The following UBXN7 variants were observed in gnomAD, a reference collection of about 807,000 sequenced individuals.
The protein encoded by UBXN7 is UBX domain protein 7.
A neutral mutation model predicts 58.0 loss-of-function variants in UBXN7; 9 were observed. That is an observed-to-expected ratio of 0.16 (90% confidence interval 0.09 to 0.27). The LOEUF (loss-of-function observed/expected upper bound fraction) is 0.27. UBXN7 is among the 10% of genes least tolerant of loss of function. The probability of loss-of-function intolerance (pLI) is 1.00; values close to 1 mark genes in which losing one functional copy is unlikely to be tolerated. For missense variants in UBXN7, 328 were observed against 599.6 expected (o/e 0.55, Z 4.73); for synonymous variants, 208 against 205.0 (o/e 1.01, Z -0.12).
At chr3:196,386,350 G>C (rs1403307596) in intron 5 of UBXN7, among the ~76,000 whole-genome samples, 17 of 113,654 alleles carry the variant, frequency 1.5e-4, no homozygotes, top group African/African-American at 5.5e-4. Context: ...CCCCCTCTCC[G>C]AGAAACACCC....
intron 10 of UBXN7, among the ~76,000 whole-genome samples, chr3:196,358,945 G>C (rs1010636486): frequency 4.0e-5 from 6 of 151,802 alleles, no homozygotes; most frequent in Non-Finnish European, 2.9e-5. Flanking sequence ...ACAGGAGTGA[G>C]CCACTGCACC....
At chr3:196,379,999 C>T (rs1729150762) in intron 5 of UBXN7, among the ~76,000 whole-genome samples, 1 of 152,148 alleles carries the variant, frequency 6.6e-6, no homozygotes, top group African/African-American at 2.4e-5. Context: ...CCTGTAATCC[C>T]AGCACTTTGG....
intron 5 of UBXN7, among the ~76,000 whole-genome samples, chr3:196,383,782 T>C (rs1005472631): frequency 2.6e-5 from 4 of 152,172 alleles, no homozygotes; most frequent in Non-Finnish European, 5.9e-5. Flanking sequence ...ACAGAATCTC[T>C]GGGACACACT....
Position 196,432,420 on chromosome 3 carries a change from C to G in UBXN7, c.-21G>C. The G allele has an allele frequency of 6.3e-7, 1 of 1,579,430 alleles. No homozygotes were observed. Among genetic ancestry groups the G allele is most frequent in the Non-Finnish European group, 8.6e-7 (1 of 1,159,186 alleles). On this transcript the variant is annotated 5_prime_UTR_variant, in exon 1 of 11. Transcript: ENST00000296328. ...GCCATCTTACCGCCGCCGCCGCCGCCGAACAACAACACAGACACACACGGA... is the reference window on the plus strand; with the variant it reads ...GCCATCTTACCGCCGCCGCCGCCGCGGAACAACAACACAGACACACACGGA...
chr3:196,404,155 A>C (rs1452313017), intron 2 of UBXN7, among the ~76,000 whole-genome samples: 1 of 151,904 alleles, frequency 6.6e-6, no homozygotes, highest in East Asian at 1.9e-4. Flanking sequence ...AACTTTGCTG[A>C]TTAATGTTCA....
At chr3:196,429,672 A>G (rs1577485318) in intron 1 of UBXN7, among the ~76,000 whole-genome samples, 1 of 152,246 alleles carries the variant, frequency 6.6e-6, no homozygotes, top group Non-Finnish European at 1.5e-5. Context: ...GTATGTGGAG[A>G]GAACCCCAAA....
chr3:196,377,827 C>T (rs970572679), intron 5 of UBXN7, among the ~76,000 whole-genome samples: 4 of 151,980 alleles, frequency 2.6e-5, no homozygotes, highest in South Asian at 2.1e-4. Flanking sequence ...TGCACCACCA[C>T]GTCCAGCTAA....
intron 1 of UBXN7, among the ~76,000 whole-genome samples, chr3:196,409,793 T>G (rs1730266345): frequency 6.6e-6 from 1 of 152,170 alleles, no homozygotes; most frequent in Non-Finnish European, 1.5e-5. Context: ...CCCCAAGCTT[T>G]CTTTCCTGTG....
At chr3:196,403,298 C>CA (rs2108852905) in intron 2 of UBXN7, among the ~76,000 whole-genome samples, 1 of 152,222 alleles carries the variant, frequency 6.6e-6, no homozygotes, top group African/African-American at 2.4e-5. Flanking sequence ...GCTGGGACTA[C>CA]AGGCATACAC....
At chr3:196,428,670 A>G (rs1237181567) in intron 1 of UBXN7, among the ~76,000 whole-genome samples, 1 of 151,662 alleles carries the variant, frequency 6.6e-6, no homozygotes, top group Non-Finnish European at 1.5e-5. Flanking sequence ...AGGTGGGTGG[A>G]TTGCTTGAGC....
rs571574400 is a variant in UBXN7, at chr3:196,385,698, C to A, written c.468+6115G>T. On this transcript the variant is annotated intron_variant, in intron 5 of 10. Coordinates refer to ENST00000296328, the MANE Select transcript of UBXN7 (RefSeq NM_015562.2). ...GGAGCCCCTCTGCCCAGCAGCCGCC[C>A]CGTCTGGGAAGTGAGGAGCCCCTAC... Among the ~76,000 whole-genome samples the A allele has an allele frequency of 3.7e-3, 555 of 151,846 alleles. 5 individuals carry two copies. The highest frequency in any genetic ancestry group is 0.013 in the African/African-American group (534 of 41,450).
intron 5 of UBXN7, among the ~76,000 whole-genome samples, chr3:196,375,337 T>G (rs1405416771): frequency 6.9e-6 from 1 of 144,796 alleles, no homozygotes; most frequent in Non-Finnish European, 1.5e-5. Context: ...TGTACAGTAG[T>G]CTGGAGCAGT....
At position 196,354,140 on chromosome 3, in the gene UBXN7, C is replaced by G. The variant is rs1223667368; in HGVS notation, c.*2545G>C. 6.6e-6 allele frequency: 1 copy of G among 152,162 alleles called. No individual in the cohort carries two copies. Among genetic ancestry groups the G allele is most frequent in the Non-Finnish European group, 1.5e-5 (1 of 68,026 alleles). The allele number at this position is 152,162 out of a possible 1,614,324, so 9.4% of individuals were successfully genotyped here. ...TTATATCAACCCTAAGATAATTACACTCCTGCCTCAAAATAAAATAAAATA... is the reference window on the plus strand; with the variant it reads ...TTATATCAACCCTAAGATAATTACAGTCCTGCCTCAAAATAAAATAAAATA... On this transcript the variant is annotated 3_prime_UTR_variant, in exon 11 of 11. Transcript: ENST00000296328.
chr3:196,400,510 A>C (rs570021265), intron 3 of UBXN7: 40 of 158,958 alleles, frequency 2.5e-4, no homozygotes, highest in Non-Finnish European at 4.2e-4. Context: ...AATATGGGCC[A>C]AGGCCAAGGC....
intron 6 of UBXN7, among the ~76,000 whole-genome samples, chr3:196,370,106 G>GA (rs1459549614): frequency 7.1e-6 from 1 of 141,374 alleles, no homozygotes; most frequent in Non-Finnish European, 1.5e-5. Context: ...CTCCTGCCCA[G>GA]CGACAATGCA....
At chr3:196,369,583 C>T in intron 6 of UBXN7, 72 bp from the exon 7 acceptor site, 2 of 996,434 alleles carry the variant, frequency 2.0e-6, no homozygotes, top group Non-Finnish European at 3.1e-6. Context: ...TCTTATACAC[C>T]AACATCAATT....
At chr3:196,399,774 A>G (rs766014778) in intron 3 of UBXN7, 4 of 152,110 alleles carry the variant, frequency 2.6e-5, no homozygotes, top group Non-Finnish European at 5.9e-5. Flanking sequence ...AACTTCAAAT[A>G]TGCAGCAGTG....
Position 196,355,387 on chromosome 3 carries a change from T to C in UBXN7, c.*1298A>G, listed in dbSNP as rs1728317122. 6.6e-6 allele frequency: 1 copy of C among 152,140 alleles called. No homozygotes were observed. Among genetic ancestry groups the C allele is most frequent in the Admixed American group, 6.5e-5 (1 of 15,272 alleles). The allele number at this position is 152,140 out of a possible 1,614,324, so 9.4% of individuals were successfully genotyped here. A position where few individuals can be genotyped will look rare whatever the true frequency, so the allele number is the denominator to read the frequency against. ...TCAAGATGGCCTCTTCTAAAAACAC[T>C]GAAGAAAGCTTTCACCAACTCTAAT... On this transcript the variant is annotated 3_prime_UTR_variant, in exon 11 of 11. Coordinates refer to ENST00000296328, the MANE Select transcript of UBXN7 (RefSeq NM_015562.2).
intron 4 of UBXN7, 54 bp from the exon 5 acceptor site, chr3:196,391,979 A>ATT: frequency 2.0e-5 from 2 of 98,644 alleles, no homozygotes; most frequent in Non-Finnish European, 1.5e-5. Context: ...AATCACACTG[A>ATT]AAAAAAAAAA....
Sources: allele counts gnomAD v4.1 joint callset (sites outside exome capture counted in the v4.1 genomes callset), GRCh38; gene constraint gnomAD v4.1.1; transcripts MANE v1.5; gene names NCBI Gene and HGNC (gene_info 2026-07-23, HGNC 2026-07-21).